Variants in HP1BP3 observed in about 807,000 individuals in gnomAD.
The protein encoded by HP1BP3 is heterochromatin protein 1 binding protein 3, also known as heterochromatin protein 1-binding protein 3.
HP1BP3 carries 12 observed loss-of-function variants against 62.5 expected under a neutral mutation model. The observed-to-expected ratio is 0.19, with a 90% CI of 0.12 to 0.31. The LOEUF (loss-of-function observed/expected upper bound fraction) is 0.31. Ranked by LOEUF, HP1BP3 falls within the 10% of genes least tolerant of loss-of-function variation. The pLI is 1.00. For missense variants in HP1BP3, 502 were observed against 651.8 expected (o/e 0.77, Z 2.50); for synonymous variants, 260 against 237.8 (o/e 1.09, Z -0.86).
rs1164715951 is a variant in HP1BP3 at position 20,745,531 on chromosome 1, A to C, written c.1367+12T>G. 2 of 1,613,376 alleles carry C rather than the reference A, an allele frequency of 1.2e-6. No homozygotes were observed. Among genetic ancestry groups the C allele is most frequent in the Non-Finnish European group, 1.7e-6 (2 of 1,179,732 alleles). The stretch of plus-strand genomic sequence containing the variant: ...AGTGTCCTCCCCACAAGGGGTTTTC[A>C]CATGTCCACACCTTCTCTTAGGTGG... On this transcript the variant is annotated intron_variant, in intron 12 of 12. Transcript: ENST00000438032.
chr1:20,755,362 A>G (rs1234410763), intron 9 of HP1BP3: 2 of 453,910 alleles, frequency 4.4e-6, no homozygotes, highest in Non-Finnish European at 8.9e-6. Flanking sequence ...CACTGAACCC[A>G]GGAGTTCAAG....
chr1:20,771,128 A>G (rs1398454664), intron 5 of HP1BP3, 55 bp from the exon 6 acceptor site: 7 of 1,358,716 alleles, frequency 5.2e-6, no homozygotes, highest in Middle Eastern at 1.8e-4. Flanking sequence ...AGCCTGACAT[A>G]TATTTTCAAA....
At chr1:20,761,531 A>C (rs1479973812) in intron 8 of HP1BP3, among the ~76,000 whole-genome samples, 1 of 17,948 alleles carries the variant, frequency 5.6e-5, no homozygotes, top group Non-Finnish European at 1.4e-4. Flanking sequence ...GAGGGAGCAG[A>C]GTGGGGATCA....
chr1:20,761,029 T>C (rs2056437781), intron 8 of HP1BP3, among the ~76,000 whole-genome samples: 1 of 151,924 alleles, frequency 6.6e-6, no homozygotes, highest in African/African-American at 2.4e-5. Flanking sequence ...AAGTAGTCTG[T>C]TTACTGATAT....
At position 20,747,526 on chromosome 1, in the gene HP1BP3, T is replaced by A. The variant is rs751909234; in HGVS notation, c.1253+18A>T. ...AGACTATAAATTTACAGTGATCTAT[T>A]ATAGGCTAAGTACTTACCTGGGATA... On this transcript the variant is annotated intron_variant, in intron 11 of 12. Transcript: ENST00000438032. 6.9e-7 allele frequency: 1 copy of A among 1,443,820 alleles called. No individual in the cohort carries two copies. Among genetic ancestry groups the A allele is most frequent in the Admixed American group, 1.8e-5 (1 of 56,256 alleles). 89.4% of individuals were successfully genotyped at this position (1,443,820 alleles called of 1,614,324 possible).
At chr1:20,781,125 G>A (rs527313697) in intron 1 of HP1BP3, among the ~76,000 whole-genome samples, 1 of 151,928 alleles carries the variant, frequency 6.6e-6, no homozygotes, top group African/African-American at 2.4e-5. Context: ...TTTAATGTAA[G>A]GAAAACTAGT....
At chr1:20,754,952 T>C (rs2056010756) in intron 9 of HP1BP3, among the ~76,000 whole-genome samples, 1 of 152,102 alleles carries the variant, frequency 6.6e-6, no homozygotes, top group South Asian at 2.1e-4. Flanking sequence ...TTTTTAAAAA[T>C]GATAAATAGG....
chr1:20,741,942 A>T lies in HP1BP3; in HGVS notation c.*2855T>A, dbSNP rs1387585552. On this transcript the variant is annotated 3_prime_UTR_variant, in exon 13 of 13. Transcript: ENST00000438032. ...ATCAAACATTCTTTTATCTCAATGT[A>T]AGTAAGGCGTATGTCTTTGACAGTT... Among the ~76,000 whole-genome samples the T allele has an allele frequency of 6.6e-6, 1 of 152,234 alleles. No homozygotes were observed. The highest frequency in any genetic ancestry group is 1.5e-5 in the Non-Finnish European group (1 of 68,046).
chr1:20,756,507 C>A (rs2056117965), intron 9 of HP1BP3, among the ~76,000 whole-genome samples: 1 of 151,902 alleles, frequency 6.6e-6, no homozygotes, highest in South Asian at 2.1e-4. Context: ...GAGATAGAGG[C>A]TACAGTGAGC....
intron 5 of HP1BP3, among the ~76,000 whole-genome samples, chr1:20,771,376 C>G: frequency 6.6e-6 from 1 of 152,162 alleles, no homozygotes; most frequent in East Asian, 1.9e-4. Context: ...GAAGATGAAT[C>G]TTTGGCATCA....
intron 8 of HP1BP3, among the ~76,000 whole-genome samples, chr1:20,759,898 T>C (rs1226955208): frequency 6.7e-6 from 1 of 149,256 alleles, no homozygotes; most frequent in East Asian, 1.9e-4. Context: ...TTTTTTTTTT[T>C]TTTGCCCCGA....
At chr1:20,777,851 CT>C (rs1326202947) in intron 3 of HP1BP3, among the ~76,000 whole-genome samples, 3 of 152,238 alleles carry the variant, frequency 2.0e-5, no homozygotes, top group African/African-American at 7.2e-5. Context: ...TTCCATCCTC[CT>C]TTGGAATTCT....
Position 20,742,228 on chromosome 1 carries a change from C to A in HP1BP3, c.*2569G>T, listed in dbSNP as rs2055102829. Among the ~76,000 whole-genome samples, 1 of 152,178 alleles carries A rather than the reference C, an allele frequency of 6.6e-6. No individual in the cohort carries two copies. The highest frequency in any genetic ancestry group is 2.4e-5 in the African/African-American group (1 of 41,434). ...TTTGATTCCAGAAGAGTACAGAATT[C>A]TGAGCACAGGTACCTAACATCCATA... is the stretch of plus-strand genomic sequence containing the variant. On this transcript the variant is annotated 3_prime_UTR_variant, in exon 13 of 13. Transcript: ENST00000438032.
chr1:20,787,182 G>A lies in HP1BP3; in HGVS notation c.-101+13C>T, dbSNP rs1429385999. 6.6e-6 allele frequency: 1 copy of A among 151,698 alleles called. No homozygotes were observed. The highest frequency in any genetic ancestry group is 1.5e-5 in the Non-Finnish European group (1 of 67,848). The allele number at this position is 151,698 out of a possible 1,614,324, so 9.4% of individuals were successfully genotyped here. On this transcript the variant is annotated intron_variant, in intron 1 of 12. Transcript: ENST00000438032. Reference sequence around the variant, plus strand: ...GCGCCCACTCCCCGGCCGCCTGTTCGGTCCTGCGTTACCTCTGCGTTCGGC... The same window carrying A: ...GCGCCCACTCCCCGGCCGCCTGTTCAGTCCTGCGTTACCTCTGCGTTCGGC...
chr1:20,751,166 G>T (rs1242838799), intron 9 of HP1BP3, among the ~76,000 whole-genome samples: 1 of 151,754 alleles, frequency 6.6e-6, no homozygotes, highest in African/African-American at 2.4e-5. Flanking sequence ...CTTTTCTCTA[G>T]CTTGCTTTAT....
intron 3 of HP1BP3, among the ~76,000 whole-genome samples, chr1:20,777,232 C>T (rs1004444045): frequency 3.3e-5 from 5 of 151,466 alleles, no homozygotes; most frequent in African/African-American, 1.2e-4. Context: ...TACTATAAAA[C>T]ACAGAACCCC....
intron 3 of HP1BP3, among the ~76,000 whole-genome samples, chr1:20,778,715 GA>G (rs1422845080): frequency 6.6e-6 from 1 of 151,870 alleles, no homozygotes. Context: ...GGCTCAGCCA[GA>G]AAAGAGTATA....
chr1:20,749,588 C>T (rs1251918926), intron 10 of HP1BP3, 135 bp downstream of exon 10: 8 of 764,674 alleles, frequency 1.0e-5, no homozygotes, highest in African/African-American at 3.5e-5. Context: ...CTCAAACTCC[C>T]GACCTCGTGA....
intron 1 of HP1BP3, among the ~76,000 whole-genome samples, chr1:20,782,667 C>T (rs2057616359): frequency 6.6e-6 from 1 of 151,272 alleles, no homozygotes; most frequent in East Asian, 1.9e-4. Context: ...TTTGGGAGGC[C>T]GAGGCGGATA....
Sources: allele counts gnomAD v4.1 joint callset (sites outside exome capture counted in the v4.1 genomes callset), GRCh38; gene constraint gnomAD v4.1.1; transcripts MANE v1.5; gene names NCBI Gene and HGNC (gene_info 2026-07-23, HGNC 2026-07-21).